The following PLCB1 variants were observed in gnomAD, a reference collection of about 807,000 sequenced individuals.
The protein encoded by PLCB1 is 1-phosphatidylinositol 4,5-bisphosphate phosphodiesterase beta-1.
A neutral mutation model predicts 161.8 loss-of-function variants in PLCB1; 46 were observed. The observed-to-expected ratio is 0.28, with a 90% CI of 0.22 to 0.36. The LOEUF is 0.36. Ranked by LOEUF, PLCB1 falls within the 10% of genes least tolerant of loss-of-function variation. PLCB1 has a pLI of 1.00. For missense variants in PLCB1, 1,016 were observed against 1,472.5 expected, an observed-to-expected ratio of 0.69 and a Z score of 5.07; for synonymous variants, 517 against 503.7, an observed-to-expected ratio of 1.03 and a Z score of -0.35.
intron 2 of PLCB1, among the ~76,000 whole-genome samples, chr20:8,287,089 G>A (rs2123294843): frequency 6.6e-6 from 1 of 152,146 alleles, no homozygotes; most frequent in South Asian, 2.1e-4. Flanking sequence ...TTAAAGGAAT[G>A]TACTTTCCTC....
At chr20:8,254,761 A>G (rs1045163622) in intron 2 of PLCB1, among the ~76,000 whole-genome samples, 1 of 152,020 alleles carries the variant, frequency 6.6e-6, no homozygotes, top group Non-Finnish European at 1.5e-5. Context: ...CACATCACAC[A>G]TTCAAAACTA....
At chr20:8,516,767 A>G (rs1418293847) in intron 3 of PLCB1, among the ~76,000 whole-genome samples, 1 of 147,230 alleles carries the variant, frequency 6.8e-6, no homozygotes, top group Admixed American at 6.9e-5. Flanking sequence ...GTTTTTGACT[A>G]AAGTTTTCGG....
chr20:8,836,173 A>G (rs1319128788), intron 31 of PLCB1, among the ~76,000 whole-genome samples: 3 of 152,196 alleles, frequency 2.0e-5, no homozygotes, highest in East Asian at 1.9e-4. Context: ...CAAAACTGGC[A>G]TATTGTCACT....
chr20:8,789,486 G>T, intron 29 of PLCB1, 32 bp from the exon 30 acceptor site: 4 of 1,427,060 alleles, frequency 2.8e-6, no homozygotes, highest in South Asian at 1.1e-5. Context: ...TGGATGAATT[G>T]GTATAATGAT....
chr20:8,772,133 G>A (rs1341764449), intron 26 of PLCB1, among the ~76,000 whole-genome samples: 1 of 148,966 alleles, frequency 6.7e-6, no homozygotes, highest in African/African-American at 2.5e-5. Flanking sequence ...TGCCCACCTC[G>A]GCCCCCAAAA....
At chr20:8,766,435 A>G (rs746229409) in intron 26 of PLCB1, among the ~76,000 whole-genome samples, 10 of 152,170 alleles carry the variant, frequency 6.6e-5, no homozygotes, top group Non-Finnish European at 1.5e-4. Flanking sequence ...CAGGCTGAGG[A>G]AACAGCAAGT....
chr20:8,744,389 G>A (rs180961791), intron 23 of PLCB1, among the ~76,000 whole-genome samples: 1 of 152,096 alleles, frequency 6.6e-6, no homozygotes, highest in East Asian at 1.9e-4. Flanking sequence ...CCATATTTCA[G>A]CCTACTTTTT....
rs538225233 is a variant in PLCB1 at position 8,371,874 on chromosome 20, G to C, written c.246+424G>C. 173 of 156,930 alleles carry C rather than the reference G, an allele frequency of 1.1e-3. 2 individuals are homozygous for C. Among genetic ancestry groups the C allele is most frequent in the African/African-American group, 3.9e-3 (163 of 41,666 alleles). 9.7% of individuals were successfully genotyped at this position (156,930 alleles called of 1,614,324 possible). On this transcript the variant is annotated intron_variant, in intron 3 of 31. Coordinates refer to ENST00000338037, the MANE Select transcript of PLCB1 (RefSeq NM_015192.4). Reference sequence around the variant, plus strand: ...AATGATTCCATCCACAATGCCAAAAGGTGTATAGTCTTAATTCTGCAAATG... The same window carrying C: ...AATGATTCCATCCACAATGCCAAAACGTGTATAGTCTTAATTCTGCAAATG...
intron 31 of PLCB1, among the ~76,000 whole-genome samples, chr20:8,800,597 G>C (rs1984237692): frequency 6.6e-6 from 1 of 152,142 alleles, no homozygotes; most frequent in Non-Finnish European, 1.5e-5. Flanking sequence ...GTCAAAGAGA[G>C]TAGCCAGCAG....
intron 31 of PLCB1, among the ~76,000 whole-genome samples, chr20:8,804,071 G>T (rs553477712): frequency 1.3e-5 from 2 of 152,064 alleles, no homozygotes; most frequent in South Asian, 4.2e-4. Context: ...GGGATTACAC[G>T]TGTGAGCCAC....
chr20:8,430,217 A>C (rs994799049), intron 3 of PLCB1, among the ~76,000 whole-genome samples: 3 of 152,042 alleles, frequency 2.0e-5, no homozygotes, highest in Admixed American at 6.5e-5. Flanking sequence ...TAGCAAAAAA[A>C]ATCAAAGCTG....
In PLCB1 at chr20:8,881,758, C is replaced by T. The variant is rs1318457704; in HGVS notation, c.3560C>T (p.Ser1187Phe). The T allele has an allele frequency of 3.1e-6, 5 of 1,614,084 alleles. No individual in the cohort carries two copies. Among genetic ancestry groups the T allele is most frequent in the Non-Finnish European group, 8.5e-7 (1 of 1,179,966 alleles). Residue 1187 changes from serine to phenylalanine, a missense_variant, in exon 32 of 32, where the codon TCC becomes TTC. This residue lies in a region of PLCB1 where 398 missense variants were observed against 445.4 expected (regional missense o/e 0.89). Transcript: ENST00000338037. ...SNHGSAPLSL[S>F]SDPGKVNHKT... is the part of the protein sequence containing the mutation. Reference sequence around the variant, plus strand: ...CACGGTTCTGCCCCTCTCTCCCTGTCCTCAGACCCTGGAAAAGTGAACCAC... The same window carrying T: ...CACGGTTCTGCCCCTCTCTCCCTGTTCTCAGACCCTGGAAAAGTGAACCAC...
chr20:8,647,421 G>C (rs1421831832), intron 5 of PLCB1, among the ~76,000 whole-genome samples: 1 of 152,106 alleles, frequency 6.6e-6, no homozygotes, highest in Non-Finnish European at 1.5e-5. Flanking sequence ...TAATATTTTT[G>C]TTGCACACAT....
chr20:8,523,398 ATGTGTGTG>A lies in PLCB1; in HGVS notation c.247-104872_247-104865del, dbSNP rs34787623. 4.9e-4 allele frequency among the ~76,000 whole-genome samples: 60 copies of A among 122,552 alleles called. 2 individuals are homozygous for A. The highest frequency in any genetic ancestry group is 1.2e-3 in the African/African-American group (35 of 30,262). The allele number at this position is 122,552 out of a possible 152,430, so 80.4% of individuals were successfully genotyped here. On this transcript the variant is annotated intron_variant, in intron 3 of 31. Coordinates refer to ENST00000338037, the MANE Select transcript of PLCB1 (RefSeq NM_015192.4). ...GCAAATGATCCTGATCATAACAAAT[ATGTGTGTG>A]TGTGTGTGTGTGTGTGTGTGTGTAT...
chr20:8,732,720 TATATCTA>T (rs1980326865), intron 18 of PLCB1, among the ~76,000 whole-genome samples: 1 of 143,668 alleles, frequency 7.0e-6, no homozygotes, highest in Non-Finnish European at 1.5e-5. Context: ...ATCATTCTAA[TATATCTA>T]ATATATATTA....
chr20:8,227,458 A>T (rs996572174), intron 2 of PLCB1, among the ~76,000 whole-genome samples: 3 of 152,126 alleles, frequency 2.0e-5, no homozygotes, highest in African/African-American at 4.8e-5. Flanking sequence ...AACACATAGC[A>T]TACTGCTGAC....
chr20:8,605,711 C>T (rs572058214), intron 3 of PLCB1, among the ~76,000 whole-genome samples: 8 of 148,816 alleles, frequency 5.4e-5, no homozygotes, highest in Admixed American at 4.1e-4. Context: ...TTTCATAATG[C>T]TGAGGTTTAG....
intron 31 of PLCB1, among the ~76,000 whole-genome samples, chr20:8,872,749 T>A (rs909077978): frequency 2.0e-5 from 3 of 152,132 alleles, no homozygotes; most frequent in Admixed American, 2.0e-4. Flanking sequence ...ATCATTTGCT[T>A]CCTTGCCTCA....
Position 8,669,178 on chromosome 20 carries a change from A to T in PLCB1, c.862+10474A>T, listed in dbSNP as rs186807384. Among the ~76,000 whole-genome samples, 243 of 152,358 alleles carry T rather than the reference A, an allele frequency of 1.6e-3. 1 individual carries two copies. The highest frequency in any genetic ancestry group is 8.9e-3 in the South Asian group (43 of 4,828). ...AGCTAATATTCATTCATTCGTAAAT[A>T]TACTTCCATTCATTCATCTAGCAAA... is the stretch of plus-strand genomic sequence containing the variant. On this transcript the variant is annotated intron_variant, in intron 9 of 31. Transcript: ENST00000338037.
Sources: allele counts gnomAD v4.1 joint callset (sites outside exome capture counted in the v4.1 genomes callset), GRCh38; gene constraint gnomAD v4.1.1; regional missense constraint gnomAD v4.1.1; transcripts MANE v1.5; gene names NCBI Gene and HGNC (gene_info 2026-07-23, HGNC 2026-07-21).